Variants in SDK2 observed in about 807,000 individuals in gnomAD.
SDK2 encodes protein sidekick-2.
Under a neutral mutation model 253.9 loss-of-function variants are expected in SDK2, and 105 were observed. That is an observed-to-expected ratio of 0.41 (90% CI 0.35 to 0.49). The LOEUF is 0.49. Ranked by LOEUF, SDK2 falls within the 20% of genes least tolerant of loss-of-function variation. The pLI is 0.06. For missense variants in SDK2, 2,608 were observed against 3,003.0 expected, an observed-to-expected ratio of 0.87 and a Z score of 3.07; for synonymous variants, 1,249 against 1,234.9, an observed-to-expected ratio of 1.01 and a Z score of -0.24.
At chr17:73,524,277 G>A (rs944915708) in intron 1 of SDK2, among the ~76,000 whole-genome samples, 21 of 152,306 alleles carry the variant, frequency 1.4e-4, no homozygotes, top group Admixed American at 7.2e-4. Flanking sequence ...GATAGCCTAC[G>A]TGTTGATAGG....
intron 3 of SDK2, among the ~76,000 whole-genome samples, chr17:73,457,267 CTTCCTTCCTTCCTTCCTT>C (rs2063533474): frequency 3.0e-5 from 2 of 65,664 alleles, no homozygotes; most frequent in African/African-American, 1.3e-4. Context: ...TCCTTCCTTC[CTTCCTTCCTTCCTTCCTT>C]CCCCCCTCCC....
chr17:73,531,326 C>T (rs1323495469), intron 1 of SDK2, among the ~76,000 whole-genome samples: 4 of 152,292 alleles, frequency 2.6e-5, no homozygotes, highest in East Asian at 1.9e-4. Context: ...ATATACTTAG[C>T]GGTCTTGTTT....
Position 73,338,763 on chromosome 17 carries a change from C to A in SDK2, c.6343G>T (p.Val2115Phe). The A allele has an allele frequency of 6.2e-7, 1 of 1,613,748 alleles. No homozygotes were observed. The highest frequency in any genetic ancestry group is 8.5e-7 in the Non-Finnish European group (1 of 1,179,830). Residue 2115 changes from valine to phenylalanine, a missense_variant, in exon 45 of 45, where the codon GTC becomes TTC. This residue lies in a region of SDK2 where 1,103 missense variants were observed against 1,143.9 expected (regional missense o/e 0.96). Transcript: ENST00000392650. The surrounding 1 kb of genome is among the most constrained non-coding windows in gnomAD (Gnocchi z 5.0). ...TGCTGGGTGCTGGTGCTGTTGGTGA[C>A]GGTGGTGTGGTCTGGCTCACCCGAG... Reference protein sequence around the residue: ...SDSGEPDHTTVTNSTSTQQGS... With the variant: ...SDSGEPDHTTFTNSTSTQQGS...
At chr17:73,607,371 A>G (rs1259838245) in intron 1 of SDK2, among the ~76,000 whole-genome samples, 1 of 150,158 alleles carries the variant, frequency 6.7e-6, no homozygotes, top group African/African-American at 2.5e-5. Context: ...GCCCACACGC[A>G]CTCATTTCTT....
Position 73,616,789 on chromosome 17 carries a change from T to G in SDK2, c.64+27236A>C, listed in dbSNP as rs748369570. ...TCTCAGAGCTGCAGGCACTGCACTG[T>G]GCGCATTCCCACCATGAGATGCCTG... On this transcript the variant is annotated intron_variant, in intron 1 of 44. Transcript: ENST00000392650. This position sits in a 1 kb window ranked among gnomAD's most constrained non-coding sequence, Gnocchi z 5.2. Among the ~76,000 whole-genome samples, 84 of 152,244 alleles carry G rather than the reference T, an allele frequency of 5.5e-4. No individual in the cohort carries two copies. Among genetic ancestry groups the G allele is most frequent in the Middle Eastern group, 3.4e-3 (1 of 294 alleles).
chr17:73,445,196 C>G (rs1394977130), intron 5 of SDK2, among the ~76,000 whole-genome samples: 1 of 152,006 alleles, frequency 6.6e-6, no homozygotes, highest in African/African-American at 2.4e-5. Flanking sequence ...TGCAAAAAAC[C>G]AATGGAAGAT....
At position 73,597,774 on chromosome 17, in the gene SDK2, T is replaced by G. The variant is rs374342738; in HGVS notation, c.64+46251A>C. Reference sequence around the variant, plus strand: ...CATTCTCCTGCCTCAGCCTCCCAAGTAGCTGAGACTACAGGCACCCGCCAC... The same window carrying G: ...CATTCTCCTGCCTCAGCCTCCCAAGGAGCTGAGACTACAGGCACCCGCCAC... On this transcript the variant is annotated intron_variant, in intron 1 of 44. Coordinates refer to ENST00000392650, the MANE Select transcript of SDK2 (RefSeq NM_001144952.2). Among the ~76,000 whole-genome samples, 58 of 152,066 alleles carry G rather than the reference T, an allele frequency of 3.8e-4. No individual in the cohort carries two copies. The South Asian group carries it at 0.011, about 30-fold the overall frequency.
intron 3 of SDK2, among the ~76,000 whole-genome samples, chr17:73,459,881 A>T (rs2063552420): frequency 6.6e-6 from 1 of 152,076 alleles, no homozygotes; most frequent in Non-Finnish European, 1.5e-5. Flanking sequence ...TATAAAATGG[A>T]GTTAAGAAGG....
chr17:73,629,015 A>G lies in SDK2; in HGVS notation c.64+15010T>C, dbSNP rs2143243602. Among the ~76,000 whole-genome samples the G allele has an allele frequency of 6.6e-6, 1 of 152,126 alleles. No individual in the cohort carries two copies. The highest frequency in any genetic ancestry group is 2.4e-5 in the African/African-American group (1 of 41,500). On this transcript the variant is annotated intron_variant, in intron 1 of 44. Transcript: ENST00000392650. This position sits in a 1 kb window ranked among gnomAD's most constrained non-coding sequence, Gnocchi z 5.0. ...AATTCTGCTGATTCCTACGTGGGGGATGGTGCCAAGGAGGGTCCAGAGAAC... is the reference window on the plus strand; with the variant it reads ...AATTCTGCTGATTCCTACGTGGGGGGTGGTGCCAAGGAGGGTCCAGAGAAC...
chr17:73,450,257 C>T (rs551509912), intron 4 of SDK2, among the ~76,000 whole-genome samples: 45 of 152,318 alleles, frequency 3.0e-4, no homozygotes, highest in Non-Finnish European at 5.6e-4. Context: ...GCCTCAGTTT[C>T]CTCCTCTGTG....
rs1248560681 is a variant in SDK2 at position 73,338,272 on chromosome 17, T to C, written c.*315A>G. On this transcript the variant is annotated 3_prime_UTR_variant, in exon 45 of 45. Coordinates refer to ENST00000392650, the MANE Select transcript of SDK2 (RefSeq NM_001144952.2). The surrounding 1 kb of genome is among the most constrained non-coding windows in gnomAD (Gnocchi z 5.0). Reference sequence around the variant, plus strand: ...CAGTCCTTAGCCTCCGCTCCCTCTCTCTCTCCAGATGCCCGCCCCACTCCG... The same window carrying C: ...CAGTCCTTAGCCTCCGCTCCCTCTCCCTCTCCAGATGCCCGCCCCACTCCG... 2.0e-6 allele frequency: 1 copy of C among 508,216 alleles called. No individual in the cohort carries two copies. The highest frequency in any genetic ancestry group is 2.5e-5 in the Admixed American group (1 of 39,270). 31.5% of individuals were successfully genotyped at this position (508,216 alleles called of 1,614,324 possible). A position where few individuals can be genotyped will look rare whatever the true frequency, so the allele number is the denominator to read the frequency against.
chr17:73,404,954 C>CT (rs748088429), intron 18 of SDK2, among the ~76,000 whole-genome samples: 2 of 151,880 alleles, frequency 1.3e-5, no homozygotes, highest in Non-Finnish European at 2.9e-5. Flanking sequence ...GAACCCAGCT[C>CT]TGTCACTTAC....
At chr17:73,625,982 G>A (rs545176752) in intron 1 of SDK2, among the ~76,000 whole-genome samples, 2 of 152,242 alleles carry the variant, frequency 1.3e-5, no homozygotes, top group African/African-American at 4.8e-5. Context: ...AAAAGATGCC[G>A]CTGGTCCTGC....
chr17:73,452,687 T>A (rs1337032633), intron 4 of SDK2, among the ~76,000 whole-genome samples: 1 of 152,214 alleles, frequency 6.6e-6, no homozygotes, highest in East Asian at 1.9e-4. Flanking sequence ...CATGCAGCCA[T>A]GGCAGACATT....
intron 1 of SDK2, among the ~76,000 whole-genome samples, chr17:73,527,930 G>A (rs2064138979): frequency 6.6e-6 from 1 of 152,154 alleles, no homozygotes; most frequent in Non-Finnish European, 1.5e-5. Context: ...GAAGAATGGG[G>A]ATTGTGGAGC....
At chr17:73,613,356 C>T (rs1222414801) in intron 1 of SDK2, among the ~76,000 whole-genome samples, 1 of 150,582 alleles carries the variant, frequency 6.6e-6, no homozygotes, top group Non-Finnish European at 1.5e-5. Flanking sequence ...CTCTGCTCTC[C>T]CCACCCCCGC....
intron 38 of SDK2, among the ~76,000 whole-genome samples, chr17:73,362,317 C>G (rs999039610): frequency 3.9e-5 from 6 of 152,090 alleles, no homozygotes; most frequent in African/African-American, 1.4e-4. Flanking sequence ...ACACTTTTGA[C>G]CAGGTCCTCC....
intron 1 of SDK2, among the ~76,000 whole-genome samples, chr17:73,546,771 T>C (rs2044972097): frequency 1.3e-5 from 2 of 152,242 alleles, no homozygotes; most frequent in Non-Finnish European, 2.9e-5. Flanking sequence ...TGGCAAGATC[T>C]ATGATCTGTT....
At chr17:73,339,887 T>C (rs1346275592) in intron 44 of SDK2, among the ~76,000 whole-genome samples, 1 of 151,440 alleles carries the variant, frequency 6.6e-6, no homozygotes, top group African/African-American at 2.4e-5. Flanking sequence ...TCTTTTTTTT[T>C]TGATACGCAG....
Sources: gnomAD v4.1 joint callset for allele counts (sites outside exome capture counted in the v4.1 genomes callset) on GRCh38, gnomAD v4.1.1 for gene constraint, gnomAD v4.1.1 regional missense constraint, Gnocchi (gnomAD v3.1) non-coding constraint, MANE v1.5 for transcripts, NCBI Gene and HGNC (gene_info 2026-07-23, HGNC 2026-07-21) for gene names.